Variants in KAT6B observed in about 807,000 individuals in gnomAD.
The protein encoded by KAT6B is lysine acetyltransferase 6B.
In KAT6B, 10 loss-of-function variants were observed where a neutral mutation model predicts 187.5. The ratio of observed to expected loss-of-function variants is 0.05; its 90% CI spans 0.03 to 0.09. The LOEUF is 0.09. KAT6B is among the 10% of genes least tolerant of loss of function. KAT6B has a pLI of 1.00. For synonymous variants in KAT6B, 861 were observed against 926.8 expected, an observed-to-expected ratio of 0.93 and a Z score of 1.29; for missense variants, 1,952 against 2,558.9, an observed-to-expected ratio of 0.76 and a Z score of 5.12.
intron 13 of KAT6B, among the ~76,000 whole-genome samples, chr10:75,013,227 T>C (rs1844736856): frequency 6.6e-6 from 1 of 152,168 alleles, no homozygotes; most frequent in Non-Finnish European, 1.5e-5. Flanking sequence ...TTTCTGTGGT[T>C]GGATGGGCTA....
intron 3 of KAT6B, among the ~76,000 whole-genome samples, chr10:74,880,595 T>G (rs1206896206): frequency 1.3e-5 from 2 of 152,204 alleles, no homozygotes; most frequent in Non-Finnish European, 2.9e-5. Context: ...AGCAGTGGAA[T>G]TGCTGGTCTT....
chr10:74,865,337 G>T (rs1178221454), intron 3 of KAT6B, among the ~76,000 whole-genome samples: 1 of 152,050 alleles, frequency 6.6e-6, no homozygotes, highest in Non-Finnish European at 1.5e-5. Flanking sequence ...TTCCTTCATA[G>T]CTTTGTATGC....
intron 3 of KAT6B, among the ~76,000 whole-genome samples, chr10:74,917,459 A>G (rs750317594): frequency 3.3e-5 from 5 of 152,228 alleles, no homozygotes; most frequent in Admixed American, 1.3e-4. Context: ...CCTGCAATCT[A>G]TTAAAGATTC....
chr10:74,850,221 G>A (rs1242098966), intron 3 of KAT6B, among the ~76,000 whole-genome samples: 2 of 152,150 alleles, frequency 1.3e-5, no homozygotes, highest in East Asian at 1.9e-4. Context: ...AACAGTAAAA[G>A]TATCTCTTCC....
chr10:75,020,999 C>T (rs879331891), intron 14 of KAT6B, 127 bp from the exon 15 acceptor site: 1 of 1,022,474 alleles, frequency 9.8e-7, no homozygotes, highest in East Asian at 2.4e-5. Flanking sequence ...GTTCTGTACC[C>T]TCTCATTGAG....
At chr10:74,901,025 A>G (rs949756342) in intron 3 of KAT6B, among the ~76,000 whole-genome samples, 5 of 152,130 alleles carry the variant, frequency 3.3e-5, no homozygotes, top group African/African-American at 1.2e-4. Context: ...TAAGTATAAA[A>G]TCTTAAATAT....
At chr10:74,979,637 A>T (rs539354222) in intron 10 of KAT6B, among the ~76,000 whole-genome samples, 172 of 140,236 alleles carry the variant, frequency 1.2e-3, no homozygotes, top group African/African-American at 3.9e-3. Context: ...AAACCAAATT[A>T]AAAAAAAAAA....
At chr10:75,016,510 C>T (rs1844983095) in intron 13 of KAT6B, among the ~76,000 whole-genome samples, 1 of 152,218 alleles carries the variant, frequency 6.6e-6, no homozygotes, top group Non-Finnish European at 1.5e-5. Flanking sequence ...TTGCTACGAT[C>T]AAGATAGTTG....
At chr10:74,895,567 T>G (rs995682031) in intron 3 of KAT6B, among the ~76,000 whole-genome samples, 1 of 151,964 alleles carries the variant, frequency 6.6e-6, no homozygotes, top group Middle Eastern at 3.4e-3. Context: ...TGAGGCAGAG[T>G]CTTTCTGGCC....
intron 3 of KAT6B, among the ~76,000 whole-genome samples, chr10:74,933,295 A>G (rs1333325733): frequency 6.6e-6 from 1 of 152,232 alleles, no homozygotes; most frequent in African/African-American, 2.4e-5. Flanking sequence ...AGTAGAGACT[A>G]CCAGTTTTGG....
rs140345854 is a variant in KAT6B, at chr10:74,900,698, G to C, written c.621+57220G>C. On this transcript the variant is annotated intron_variant, in intron 3 of 17. Transcript: ENST00000287239. ...TAGCGAGGTTCCCAGATGAAAGGGG[G>C]TGATATACCAGAAGAAGAGGCATGG... 6.2e-3 allele frequency among the ~76,000 whole-genome samples: 946 copies of C among 152,346 alleles called. 36 individuals are homozygous for C. Among genetic ancestry groups the C allele is most frequent in the Admixed American group, 0.058 (891 of 15,298 alleles).
chr10:74,965,901 AT>A (rs559294300), intron 4 of KAT6B, among the ~76,000 whole-genome samples: 18,392 of 136,866 alleles, frequency 0.13, 1,679 homozygotes, highest in South Asian at 0.28. Context: ...AATTTTCTGT[AT>A]TTTTTTTTTT....
intron 3 of KAT6B, among the ~76,000 whole-genome samples, chr10:74,955,114 A>G (rs930236638): frequency 6.6e-6 from 1 of 152,194 alleles, no homozygotes; most frequent in Non-Finnish European, 1.5e-5. Flanking sequence ...TAACCTATGT[A>G]CATTCTCCCA....
intron 3 of KAT6B, among the ~76,000 whole-genome samples, chr10:74,918,166 G>A (rs1166368366): frequency 8.5e-5 from 13 of 152,154 alleles, no homozygotes; most frequent in Admixed American, 7.2e-4. Flanking sequence ...GCATCTAATA[G>A]CATTTAAATT....
At chr10:74,922,387 A>C (rs1159360553) in intron 3 of KAT6B, among the ~76,000 whole-genome samples, 4 of 152,168 alleles carry the variant, frequency 2.6e-5, no homozygotes, top group Admixed American at 2.0e-4. Flanking sequence ...GGAGCCCTTC[A>C]TCCCAACCAA....
In KAT6B at chr10:74,910,223, A is replaced by G. The variant is rs1267547158; in HGVS notation, c.622-49747A>G. Among the ~76,000 whole-genome samples the G allele has an allele frequency of 4.6e-5, 7 of 152,100 alleles. No individual in the cohort carries two copies. The East Asian group carries it at 1.4e-3, about 29-fold the overall frequency. On this transcript the variant is annotated intron_variant, in intron 3 of 17. Transcript: ENST00000287239. Reference sequence around the variant, plus strand: ...TAAGGCAGGAGAGTCGCTTGAACCCAGGAGGCGGAGGTTGCGGTGAGCCAA... The same window carrying G: ...TAAGGCAGGAGAGTCGCTTGAACCCGGGAGGCGGAGGTTGCGGTGAGCCAA...
chr10:74,935,000 G>A (rs1849141060), intron 3 of KAT6B, among the ~76,000 whole-genome samples: 1 of 152,102 alleles, frequency 6.6e-6, no homozygotes, highest in Non-Finnish European at 1.5e-5. Context: ...AAGAAAGCAG[G>A]TTCTGAGATG....
intron 4 of KAT6B, among the ~76,000 whole-genome samples, chr10:74,966,542 G>A (rs1841483852): frequency 6.6e-6 from 1 of 152,160 alleles, no homozygotes; most frequent in African/African-American, 2.4e-5. Flanking sequence ...ATTTTAAATA[G>A]TATTCCTTTG....
intron 3 of KAT6B, among the ~76,000 whole-genome samples, chr10:74,915,034 A>G (rs1006548774): frequency 1.3e-5 from 2 of 152,170 alleles, no homozygotes; most frequent in African/African-American, 4.8e-5. Context: ...CAGGGATTCA[A>G]GGTTGTAGTG....
Sources: gnomAD v4.1 joint callset for allele counts (sites outside exome capture counted in the v4.1 genomes callset) on GRCh38, gnomAD v4.1.1 for gene constraint, MANE v1.5 for transcripts, NCBI Gene and HGNC (gene_info 2026-07-23, HGNC 2026-07-21) for gene names.